The following CSRP3 variants were observed in gnomAD, a reference collection of about 807,000 sequenced individuals.
The protein encoded by CSRP3 is cysteine and glycine rich protein 3.
CSRP3 carries 24 observed loss-of-function variants against 24.3 expected under a neutral mutation model. The observed-to-expected ratio is 0.99, with a 90% CI of 0.71 to 1.39. The LOEUF (loss-of-function observed/expected upper bound fraction) is 1.39, where lower values mean the gene tolerates loss of function less well. Ranked by LOEUF, CSRP3 falls within the 40% of genes most tolerant of loss-of-function variation. The pLI is 0.00. For synonymous variants in CSRP3, 105 were observed against 94.0 expected, an observed-to-expected ratio of 1.12 and a Z score of -0.68; for missense variants, 240 against 249.0, an observed-to-expected ratio of 0.96 and a Z score of 0.24.
intron 4 of CSRP3, among the ~76,000 whole-genome samples, chr11:19,185,366 T>C (rs76668953): frequency 0.073 from 11,043 of 152,284 alleles, 559 homozygotes; most frequent in Middle Eastern, 0.12. Flanking sequence ...CTGGGGGCAC[T>C]GGGTGATGTT....
rs1273565241 is a variant in CSRP3 at position 19,186,321 on chromosome 11, G to A, written c.309C>T (p.Thr103=). The change falls in exon 4 of 6, where the codon ACC becomes ACT. Residue 103 remains threonine, a synonymous_variant. Coordinates refer to ENST00000265968, the MANE Select transcript of CSRP3 (RefSeq NM_003476.5). The part of the protein sequence containing the change: ...QQSPKPARSV[T]TSNPSKFTAK... ...CAGTGAATTTGGAAGGGTTGCTGGT[G>A]GTAACTGAGCGTGCCGGCTTTGGGG... The A allele has an allele frequency of 3.7e-6, 6 of 1,614,200 alleles. No homozygotes were observed. Among genetic ancestry groups the A allele is most frequent in the Non-Finnish European group, 4.2e-6 (5 of 1,180,032 alleles).
intron 1 of CSRP3, among the ~76,000 whole-genome samples, chr11:19,194,684 AAAAT>A (rs1038486630): frequency 2.6e-5 from 4 of 152,384 alleles, no homozygotes; most frequent in South Asian, 2.1e-4. Flanking sequence ...CCCTGCCTCT[AAAAT>A]AAATAAATAA....
At chr11:19,198,424 T>G (rs1222972723) in intron 1 of CSRP3, among the ~76,000 whole-genome samples, 1 of 152,204 alleles carries the variant, frequency 6.6e-6, no homozygotes, top group Non-Finnish European at 1.5e-5. Flanking sequence ...GAAACTGAAT[T>G]CATTCACTGA....
chr11:19,197,790 C>A (rs1850766308), intron 1 of CSRP3, among the ~76,000 whole-genome samples: 1 of 143,982 alleles, frequency 6.9e-6, no homozygotes, highest in Non-Finnish European at 1.5e-5. Context: ...ATTGTCTACA[C>A]TGGCTGAAGC....
At chr11:19,200,931 T>C (rs1177522848) in intron 1 of CSRP3, among the ~76,000 whole-genome samples, 1 of 152,196 alleles carries the variant, frequency 6.6e-6, no homozygotes, top group Non-Finnish European at 1.5e-5. Flanking sequence ...CCATACATGC[T>C]TATTAAATTA....
chr11:19,197,422 CTTCCTTCCCTCCTTCT>C (rs1850745425), intron 1 of CSRP3, among the ~76,000 whole-genome samples: 1 of 123,758 alleles, frequency 8.1e-6, no homozygotes, highest in Non-Finnish European at 1.6e-5. Context: ...TCCTTCCTTC[CTTCCTTCCCTCCTTCT>C]TTCCATCCTT....
In CSRP3 at chr11:19,193,673, C is replaced by T. The variant is rs146629830; in HGVS notation, c.-28-1197G>A. 2.4e-3 allele frequency among the ~76,000 whole-genome samples: 365 copies of T among 152,204 alleles called. 1 individual carries two copies. The highest frequency in any genetic ancestry group is 8.1e-3 in the African/African-American group (338 of 41,546). On this transcript the variant is annotated intron_variant, in intron 1 of 5. Transcript: ENST00000265968. ...CGTGCCCGGCCTAAACAAAAATTAGCCAGGTGTGGTGGTGGGCACCTGTAA... is the reference window on the plus strand; with the variant it reads ...CGTGCCCGGCCTAAACAAAAATTAGTCAGGTGTGGTGGTGGGCACCTGTAA...
At chr11:19,191,737 T>G (rs1850619550) in intron 2 of CSRP3, among the ~76,000 whole-genome samples, 1 of 152,172 alleles carries the variant, frequency 6.6e-6, no homozygotes, top group Non-Finnish European at 1.5e-5. Flanking sequence ...CCACAAGGTC[T>G]CAAGGTTCTC....
intron 4 of CSRP3, 85 bp downstream of exon 4, chr11:19,186,131 T>C: frequency 6.4e-7 from 1 of 1,558,000 alleles, no homozygotes; most frequent in Non-Finnish European, 8.9e-7. Context: ...GACAGCTGCT[T>C]GCAGCTCCCA....
intron 1 of CSRP3, among the ~76,000 whole-genome samples, chr11:19,197,407 TTCCTTCCTTCCTTCCTTCCTTCCC>T (rs1477519257): frequency 4.0e-5 from 3 of 75,054 alleles, no homozygotes; most frequent in Admixed American, 1.2e-4. Flanking sequence ...CCTTCCTTCC[TTCCTTCCTTCCTTCCTTCCTTCCC>T]TCCTTCTTTC....
At chr11:19,185,168 G>A (rs1590102917) in intron 4 of CSRP3, 123 bp from the exon 5 acceptor site, 2 of 755,068 alleles carry the variant, frequency 2.6e-6, no homozygotes, top group Non-Finnish European at 4.7e-6. Flanking sequence ...TACCTAATGG[G>A]CCCCATAATT....
At chr11:19,186,475 A>G in intron 3 of CSRP3, 127 bp from the exon 4 acceptor site, 1 of 1,201,748 alleles carries the variant, frequency 8.3e-7, no homozygotes. Context: ...AATGGGGATA[A>G]TGATGGTGTC....
At chr11:19,201,455 C>T (rs535634418) in intron 1 of CSRP3, among the ~76,000 whole-genome samples, 2 of 152,316 alleles carry the variant, frequency 1.3e-5, no homozygotes, top group African/African-American at 4.8e-5. Context: ...TCGCTTATCG[C>T]TTTGTATCTG....
At chr11:19,197,545 TTC>T (rs1491342137) in intron 1 of CSRP3, among the ~76,000 whole-genome samples, 10 of 140,560 alleles carry the variant, frequency 7.1e-5, no homozygotes, top group Non-Finnish European at 1.1e-4. Flanking sequence ...CTTTCTTTCT[TTC>T]TTTCTTTCTT....
At chr11:19,194,057 G>T (rs911752246) in intron 1 of CSRP3, among the ~76,000 whole-genome samples, 1 of 152,138 alleles carries the variant, frequency 6.6e-6, no homozygotes, top group Non-Finnish European at 1.5e-5. Flanking sequence ...GTGGCTGCTT[G>T]TGACCTTCAC....
In CSRP3 at chr11:19,188,255, C is replaced by A; in HGVS notation, c.162G>T (p.Ser54=). 1 of 1,613,076 alleles carries A rather than the reference C, an allele frequency of 6.2e-7. No individual in the cohort carries two copies. Among genetic ancestry groups the A allele is most frequent in the Non-Finnish European group, 8.5e-7 (1 of 1,180,004 alleles). The change falls in exon 3 of 6, where the codon TCG becomes TCT. Residue 54 remains serine (S), a synonymous_variant. Coordinates refer to ENST00000265968, the MANE Select transcript of CSRP3 (RefSeq NM_003476.5). ...CATAGCACACCTTGCAGTAGATCTC[C>A]GACTCATGAGCCGCGACTGTCGTGC... ...LDSTTVAAHE[S]EIYCKVCYGR...
chr11:19,183,153 G>A (rs148341841), intron 5 of CSRP3, among the ~76,000 whole-genome samples: 2,392 of 90,922 alleles, frequency 0.026, 30 homozygotes, highest in South Asian at 0.058. Context: ...GCAAGACTCC[G>A]TCTCAAGAAT....
At chr11:19,194,149 G>A (rs1336212620) in intron 1 of CSRP3, among the ~76,000 whole-genome samples, 1 of 152,158 alleles carries the variant, frequency 6.6e-6, no homozygotes, top group East Asian at 1.9e-4. Flanking sequence ...GGTCCGGATT[G>A]TATCTCACAG....
intron 1 of CSRP3, among the ~76,000 whole-genome samples, chr11:19,193,589 C>T (rs890450017): frequency 6.6e-6 from 1 of 152,236 alleles, no homozygotes; most frequent in Non-Finnish European, 1.5e-5. Flanking sequence ...AAACTCCTGA[C>T]CTCAAGTGAT....
Sources: allele counts gnomAD v4.1 joint callset (sites outside exome capture counted in the v4.1 genomes callset), GRCh38; gene constraint gnomAD v4.1.1; transcripts MANE v1.5; gene names NCBI Gene and HGNC (gene_info 2026-07-23, HGNC 2026-07-21).